COX7A2: variants seen among roughly 807,000 people sequenced by gnomAD.
COX7A2 encodes the protein cytochrome c oxidase subunit 7A2, also known as cytochrome c oxidase subunit 7A2, mitochondrial.
A neutral mutation model predicts 11.6 loss-of-function variants in COX7A2; 11 were observed. The observed-to-expected ratio is 0.95, with a 90% confidence interval of 0.60 to 1.57. The LOEUF is 1.57. Ranked by LOEUF, COX7A2 falls within the 40% of genes most tolerant of loss-of-function variation. The probability of loss-of-function intolerance (pLI) is 0.00; values close to 1 mark genes in which losing one functional copy is unlikely to be tolerated. For synonymous variants in COX7A2, 30 were observed against 38.2 expected, an observed-to-expected ratio of 0.78 and a Z score of 0.79; for missense variants, 106 against 100.9, an observed-to-expected ratio of 1.05 and a Z score of -0.22.
At chr6:75,238,010 G>A in intron 3 of COX7A2, 22 bp from the exon 4 acceptor site, 2 of 1,484,302 alleles carry the variant, frequency 1.3e-6, no homozygotes, top group Non-Finnish European at 1.8e-6. Context: ...AAACAAAAAA[G>A]AACTTAACCA....
upstream of COX7A2, chr6:75,243,854 C>G (rs376865645): frequency 8.7e-6 from 14 of 1,606,274 alleles, no homozygotes; most frequent in Non-Finnish European, 1.2e-5. Context: ...TCTTTCCGGG[C>G]CGAAGAGAGG....
Position 75,243,751 on chromosome 6 carries a change from C to A in COX7A2, c.-17G>T. 6.2e-7 allele frequency: 1 copy of A among 1,613,966 alleles called. No individual in the cohort carries two copies. The highest frequency in any genetic ancestry group is 1.1e-5 in the South Asian group (1 of 91,080). On this transcript the variant is annotated 5_prime_UTR_variant, in exon 1 of 4. Transcript: ENST00000684430. ...CCGCAGCATCTTGGCTGTTACTGAC[C>A]AGCAACCGCCACAACTGAACACCAC...
At chr6:75,240,462 T>C in intron 2 of COX7A2, 77 bp from the exon 3 acceptor site, 1 of 876,396 alleles carries the variant, frequency 1.1e-6, no homozygotes, top group South Asian at 1.7e-5. Flanking sequence ...AGAACAGGCA[T>C]ATAAAATGAT....
chr6:75,241,908 T>G (rs369881770), intron 1 of COX7A2: 104 of 154,240 alleles, frequency 6.7e-4, no homozygotes, highest in Middle Eastern at 4.1e-3. Context: ...GATCGCGCCA[T>G]TGCACTCCAG....
At chr6:75,247,690 AT>A (rs201436077), upstream of COX7A2, among the ~76,000 whole-genome samples, 3,035 of 147,794 alleles carry the variant, frequency 0.021, 49 homozygotes, top group African/African-American at 0.049. Flanking sequence ...CTAATCTCTG[AT>A]TTTTTTTTTT....
chr6:75,249,361 G>C (rs532822953), intron 1 of COX7A2, among the ~76,000 whole-genome samples: 17 of 152,300 alleles, frequency 1.1e-4, no homozygotes, highest in African/African-American at 3.8e-4. Context: ...ATGTGCTGCA[G>C]AACTGCAAAA....
chr6:75,247,624 TTC>T (rs923160483), upstream of COX7A2, among the ~76,000 whole-genome samples: 82 of 152,308 alleles, frequency 5.4e-4, no homozygotes, highest in African/African-American at 1.9e-3. Context: ...AATGATCTTT[TTC>T]TCTGACTCTA....
upstream of COX7A2, among the ~76,000 whole-genome samples, chr6:75,248,521 C>T (rs1771725729): frequency 1.3e-5 from 2 of 152,228 alleles, no homozygotes; most frequent in Non-Finnish European, 2.9e-5. Flanking sequence ...GTTGTCCCGC[C>T]TTTCTGAACC....
chr6:75,244,034 A>G (rs1771624418), upstream of COX7A2: 2 of 503,910 alleles, frequency 4.0e-6, no homozygotes, highest in Non-Finnish European at 7.3e-6. Context: ...GATTTATGAG[A>G]CGAATGTAAT....
chr6:75,241,445 C>T (rs948179592), intron 1 of COX7A2, among the ~76,000 whole-genome samples, 180 bp from the exon 2 acceptor site: 8 of 152,126 alleles, frequency 5.3e-5, no homozygotes, highest in Non-Finnish European at 8.8e-5. Context: ...CTCTGCTCTT[C>T]GAATTACATT....
intron 1 of COX7A2, among the ~76,000 whole-genome samples, chr6:75,249,841 G>A (rs1444954334): frequency 6.6e-6 from 1 of 152,194 alleles, no homozygotes; most frequent in Admixed American, 6.5e-5. Context: ...AGTAATAAAA[G>A]GCTGGATTGG....
intron 1 of COX7A2, among the ~76,000 whole-genome samples, chr6:75,242,401 G>C (rs1282441157): frequency 1.3e-5 from 2 of 152,050 alleles, no homozygotes; most frequent in Non-Finnish European, 2.9e-5. Flanking sequence ...AGCTACTCAG[G>C]AGGCTGAGGC....
chr6:75,247,456 A>G (rs1476286203), upstream of COX7A2, among the ~76,000 whole-genome samples: 1 of 152,226 alleles, frequency 6.6e-6, no homozygotes, highest in Non-Finnish European at 1.5e-5. Flanking sequence ...TAGGTAAAAG[A>G]TAACATTTCA....
At chr6:75,239,271 G>T (rs1332578270) in intron 3 of COX7A2, among the ~76,000 whole-genome samples, 1 of 152,180 alleles carries the variant, frequency 6.6e-6, no homozygotes, top group Non-Finnish European at 1.5e-5. Flanking sequence ...GGAATCTGAT[G>T]CTATCTCCCA....
At position 75,240,522 on chromosome 6, in the gene COX7A2, A is replaced by G. The variant is rs1281483468; in HGVS notation, c.109-137T>C. Reference sequence around the variant, plus strand: ...AAAGTATTTTAAGTATTAAAATTTAAAAGACCTACAATTTTCTTTATTCCG... The same window carrying G: ...AAAGTATTTTAAGTATTAAAATTTAGAAGACCTACAATTTTCTTTATTCCG... On this transcript the variant is annotated intron_variant, in intron 2 of 3. Coordinates refer to ENST00000684430, the MANE Select transcript of COX7A2 (RefSeq NM_001366293.2). 5.2e-6 allele frequency: 3 copies of G among 579,876 alleles called. No individual in the cohort carries two copies. The Admixed American group carries it at 1.1e-4, about 21-fold the overall frequency. The allele number at this position is 579,876 out of a possible 1,614,324, so 35.9% of individuals were successfully genotyped here. A position where few individuals can be genotyped will look rare whatever the true frequency, so the allele number is the denominator to read the frequency against.
At chr6:75,248,617 G>A (rs1562377449), upstream of COX7A2, among the ~76,000 whole-genome samples, 2 of 152,102 alleles carry the variant, frequency 1.3e-5, no homozygotes, top group Non-Finnish European at 2.9e-5. Flanking sequence ...CAACCACCTT[G>A]GGCACATGTT....
At chr6:75,237,707 T>C (rs1771356003), downstream of COX7A2, 1 of 396,402 alleles carries the variant, frequency 2.5e-6, no homozygotes, top group African/African-American at 2.0e-5. Flanking sequence ...AAAAGAATCA[T>C]TTCTTTGATC....
upstream of COX7A2, among the ~76,000 whole-genome samples, chr6:75,247,060 C>T (rs1467659004): frequency 1.3e-5 from 2 of 152,042 alleles, no homozygotes; most frequent in Non-Finnish European, 2.9e-5. Context: ...ACAAAATTGG[C>T]AGGGGGAATA....
chr6:75,239,242 T>C (rs777237446), intron 3 of COX7A2, among the ~76,000 whole-genome samples: 17 of 152,084 alleles, frequency 1.1e-4, no homozygotes, highest in Non-Finnish European at 2.4e-4. Context: ...GAGGGGACAG[T>C]CTTGTGCCAT....
Sources: gnomAD v4.1 joint callset for allele counts (sites outside exome capture counted in the v4.1 genomes callset) on GRCh38, gnomAD v4.1.1 for gene constraint, MANE v1.5 for transcripts, NCBI Gene and HGNC (gene_info 2026-07-23, HGNC 2026-07-21) for gene names.